DLGAP2: variants seen among roughly 807,000 people sequenced by gnomAD.
The protein encoded by DLGAP2 is DLG associated protein 2, also known as disks large-associated protein 2.
In DLGAP2, 26 loss-of-function variants were observed where a neutral mutation model predicts 100.3. The ratio of observed to expected loss-of-function variants is 0.26; its 90% CI spans 0.19 to 0.36. The LOEUF (loss-of-function observed/expected upper bound fraction) is 0.36, where lower values mean the gene tolerates loss of function less well. Ranked by LOEUF, DLGAP2 falls within the 10% of genes least tolerant of loss-of-function variation. The probability of loss-of-function intolerance (pLI) is 1.00; values close to 1 mark genes in which losing one functional copy is unlikely to be tolerated. For missense variants in DLGAP2, 1,858 were observed against 1,453.2 expected (o/e 1.28, Z -4.53); for synonymous variants, 886 against 630.1 (o/e 1.41, Z -6.08).
intron 8 of DLGAP2, among the ~76,000 whole-genome samples, chr8:1,635,695 A>G (rs989029296): frequency 6.6e-6 from 1 of 152,254 alleles, no homozygotes; most frequent in Non-Finnish European, 1.5e-5. Flanking sequence ...GTAAAAGTTG[A>G]TGTTATTATT....
At chr8:1,183,915 T>C (rs1797445487) in intron 2 of DLGAP2, among the ~76,000 whole-genome samples, 1 of 152,248 alleles carries the variant, frequency 6.6e-6, no homozygotes, top group African/African-American at 2.4e-5. Flanking sequence ...CAAATAGGAA[T>C]AATAGCATTT....
chr8:836,145 G>C (rs1796871037), intron 1 of DLGAP2, among the ~76,000 whole-genome samples: 2 of 152,312 alleles, frequency 1.3e-5, no homozygotes, highest in South Asian at 2.1e-4. Flanking sequence ...CTTAAATTTA[G>C]ACACCGAATC....
intron 3 of DLGAP2, among the ~76,000 whole-genome samples, chr8:1,431,330 G>A (rs1270593503): frequency 6.6e-6 from 1 of 152,192 alleles, no homozygotes; most frequent in Non-Finnish European, 1.5e-5. Context: ...TAGTAATAGA[G>A]TAGGGGCTTT....
intron 4 of DLGAP2, among the ~76,000 whole-genome samples, chr8:1,541,042 G>A (rs974893864): frequency 6.6e-6 from 1 of 152,150 alleles, no homozygotes; most frequent in African/African-American, 2.4e-5. Flanking sequence ...TTTCTACGGA[G>A]CCCTTCCTCT....
intron 2 of DLGAP2, among the ~76,000 whole-genome samples, chr8:1,212,780 A>G (rs1585157382): frequency 1.2e-5 from 1 of 82,270 alleles, no homozygotes; most frequent in Non-Finnish European, 2.2e-5. Context: ...CCCACCCCCC[A>G]TGATTAGCAT....
intron 3 of DLGAP2, among the ~76,000 whole-genome samples, chr8:1,344,109 A>ATGTATTCGGGGCCCTGTCGTGGGTCCC (rs1801486634): frequency 3.7e-5 from 1 of 26,832 alleles, no homozygotes; most frequent in Non-Finnish European, 9.1e-5. Flanking sequence ...TCGTGGGTCC[A>ATGTATTCGGGGCCCTGTCGTGGGTCCC]TGTATTCGGG....
At chr8:1,346,553 G>T (rs1801561600) in intron 3 of DLGAP2, among the ~76,000 whole-genome samples, 1 of 151,730 alleles carries the variant, frequency 6.6e-6, no homozygotes. Flanking sequence ...TGCACTCATG[G>T]TAGCTGTGTG....
At chr8:1,313,912 G>T (rs530065230) in intron 3 of DLGAP2, among the ~76,000 whole-genome samples, 3 of 151,994 alleles carry the variant, frequency 2.0e-5, no homozygotes, top group Admixed American at 2.0e-4. Context: ...AAGAACCACC[G>T]CACGGTAGCT....
At chr8:998,631 G>T (rs150581562) in intron 2 of DLGAP2, among the ~76,000 whole-genome samples, 118 of 152,144 alleles carry the variant, frequency 7.8e-4, no homozygotes, top group African/African-American at 2.7e-3. Context: ...TCTCTTTGCT[G>T]GTCAGTTTTA....
chr8:1,117,069 T>C (rs1805140646), intron 2 of DLGAP2, among the ~76,000 whole-genome samples: 1 of 152,112 alleles, frequency 6.6e-6, no homozygotes, highest in South Asian at 2.1e-4. Flanking sequence ...GCTTTATGGG[T>C]TTTTAAAATT....
At chr8:1,636,408 AG>A (rs1413759909) in intron 8 of DLGAP2, among the ~76,000 whole-genome samples, 1 of 152,352 alleles carries the variant, frequency 6.6e-6, no homozygotes. Flanking sequence ...AAGGGTACAT[AG>A]TAATTCCATT....
chr8:1,264,034 G>T (rs1799403182), intron 3 of DLGAP2, among the ~76,000 whole-genome samples: 2 of 152,328 alleles, frequency 1.3e-5, no homozygotes, highest in Non-Finnish European at 2.9e-5. Context: ...GGGTAAGAGG[G>T]AGAATGCTGC....
intron 6 of DLGAP2, among the ~76,000 whole-genome samples, chr8:1,586,227 G>A (rs10107085): frequency 0.55 from 84,291 of 152,124 alleles, 23,954 homozygotes; most frequent in African/African-American, 0.69. Flanking sequence ...CCTTCTTTCC[G>A]GGGATCTGCG....
chr8:1,614,860 C>T (rs965865009), intron 6 of DLGAP2, among the ~76,000 whole-genome samples: 2 of 152,188 alleles, frequency 1.3e-5, no homozygotes, highest in Admixed American at 6.5e-5. Context: ...CACGTGCACA[C>T]GCACACACAC....
chr8:961,844 G>A (rs17065498), intron 2 of DLGAP2, among the ~76,000 whole-genome samples: 3,775 of 152,254 alleles, frequency 0.025, 151 homozygotes, highest in African/African-American at 0.086. Flanking sequence ...AACTGTAAAA[G>A]TAACTAAACT....
chr8:1,614,348 G>A (rs1304632866), intron 6 of DLGAP2, among the ~76,000 whole-genome samples: 3 of 152,218 alleles, frequency 2.0e-5, no homozygotes, highest in African/African-American at 7.2e-5. Context: ...CAGTGAACAC[G>A]GAATTACCAG....
chr8:1,681,993 G>A (rs183755546), intron 12 of DLGAP2, among the ~76,000 whole-genome samples: 3 of 151,252 alleles, frequency 2.0e-5, no homozygotes, highest in Admixed American at 6.8e-5. Flanking sequence ...TGACATTGAA[G>A]GCTCTGCCTT....
At chr8:865,220 T>C (rs17667203) in intron 1 of DLGAP2, among the ~76,000 whole-genome samples, 39,798 of 152,100 alleles carry the variant, frequency 0.26, 5,859 homozygotes, top group Non-Finnish European at 0.34. Flanking sequence ...TCCAGCAAGA[T>C]TGATGTATGG....
chr8:1,226,145 A>G lies in DLGAP2; in HGVS notation c.74-32706A>G, dbSNP rs541513504. Among the ~76,000 whole-genome samples, 8 of 152,298 alleles carry G rather than the reference A, an allele frequency of 5.3e-5. No homozygotes were observed. In the South Asian group the frequency reaches 1.0e-3, roughly 20 times the overall value. ...AAAAATAAATAGCTCAGTTTAAACC[A>G]TGGGCATTCTGTTATAAAGATGCAT... On this transcript the variant is annotated intron_variant, in intron 2 of 14. Coordinates refer to ENST00000637795, the MANE Select transcript of DLGAP2 (RefSeq NM_001346810.2).
Sources: allele counts gnomAD v4.1 joint callset (sites outside exome capture counted in the v4.1 genomes callset), GRCh38; gene constraint gnomAD v4.1.1; transcripts MANE v1.5; gene names NCBI Gene and HGNC (gene_info 2026-07-23, HGNC 2026-07-21).